The following NYAP2 variants were observed in gnomAD, a reference collection of about 807,000 sequenced individuals.
NYAP2 encodes neuronal tyrosine-phosphorylated phosphoinositide-3-kinase adaptor 2, also known as neuronal tyrosine-phosphorylated phosphoinositide-3-kinase adapter 2.
In NYAP2, 23 loss-of-function variants were observed where a neutral mutation model predicts 50.4. The ratio of observed to expected loss-of-function variants is 0.46; its 90% CI spans 0.33 to 0.65. The LOEUF is 0.65. NYAP2 is among the 30% of genes least tolerant of loss of function. The pLI is 0.02. For missense variants in NYAP2, 885 were observed against 861.0 expected (o/e 1.03, Z -0.35); for synonymous variants, 394 against 365.2 (o/e 1.08, Z -0.90).
chr2:225,611,385 C>T (rs1209772165), intron 5 of NYAP2, among the ~76,000 whole-genome samples: 2 of 152,078 alleles, frequency 1.3e-5, no homozygotes, highest in Non-Finnish European at 2.9e-5. Flanking sequence ...CAGAAGGAGG[C>T]CCCGTATATC....
chr2:225,498,824 T>C (rs1405618415), intron 3 of NYAP2, among the ~76,000 whole-genome samples: 1 of 152,146 alleles, frequency 6.6e-6, no homozygotes, highest in Non-Finnish European at 1.5e-5. Flanking sequence ...ACTGAGAGAA[T>C]GATGCTTTGA....
intron 3 of NYAP2, among the ~76,000 whole-genome samples, chr2:225,437,878 A>G (rs188775183): frequency 4.6e-5 from 7 of 152,286 alleles, no homozygotes; most frequent in East Asian, 3.9e-4. Flanking sequence ...TTCTCTTTCT[A>G]TATGCAATTT....
chr2:225,513,241 A>G, intron 3 of NYAP2, 130 bp from the exon 4 acceptor site: 1 of 825,458 alleles, frequency 1.2e-6, no homozygotes, highest in Non-Finnish European at 1.9e-6. Flanking sequence ...AGTTTGTTTT[A>G]AAAGGCAGCA....
At chr2:225,483,877 C>G (rs1277771071) in intron 3 of NYAP2, among the ~76,000 whole-genome samples, 1 of 152,118 alleles carries the variant, frequency 6.6e-6, no homozygotes, top group Admixed American at 6.5e-5. Context: ...GAGTCAAATA[C>G]TTTCTTCTGT....
chr2:225,681,470 G>T, the NYAP2 span, among the ~76,000 whole-genome samples: 1 of 152,142 alleles, frequency 6.6e-6, no homozygotes, highest in Non-Finnish European at 1.5e-5. Flanking sequence ...GCTTGTGGAT[G>T]GGTTATTACA....
At chr2:225,690,622 A>G in the NYAP2 span, among the ~76,000 whole-genome samples, 4 of 152,136 alleles carry the variant, frequency 2.6e-5, no homozygotes, top group African/African-American at 9.7e-5. Flanking sequence ...TCTTATCTAT[A>G]CAATTTAAAT....
chr2:225,538,842 C>CTTTTTA (rs1691405048), intron 4 of NYAP2, among the ~76,000 whole-genome samples: 1 of 49,730 alleles, frequency 2.0e-5, no homozygotes. Flanking sequence ...TTCTTTCTTT[C>CTTTTTA]TTTCTTTGTT....
At chr2:225,471,010 T>C (rs1447293714) in intron 3 of NYAP2, among the ~76,000 whole-genome samples, 1 of 152,206 alleles carries the variant, frequency 6.6e-6, no homozygotes, top group Non-Finnish European at 1.5e-5. Context: ...CTTATTAATA[T>C]GCTTCCTTAT....
At chr2:225,692,909 ATG>A in the NYAP2 span, among the ~76,000 whole-genome samples, 1 of 151,976 alleles carries the variant, frequency 6.6e-6, no homozygotes, top group African/African-American at 2.4e-5. Flanking sequence ...TTACACATAT[ATG>A]TGTGTGTACA....
intron 3 of NYAP2, among the ~76,000 whole-genome samples, chr2:225,478,594 C>G (rs992922073): frequency 6.6e-6 from 1 of 152,132 alleles, no homozygotes; most frequent in African/African-American, 2.4e-5. Flanking sequence ...TGGGGATACC[C>G]CTTTCTAATC....
the NYAP2 span, among the ~76,000 whole-genome samples, chr2:225,686,479 G>C: frequency 6.6e-6 from 1 of 152,042 alleles, no homozygotes; most frequent in Admixed American, 6.6e-5. Flanking sequence ...TGTAACTCAA[G>C]AGACACTAAC....
chr2:225,556,355 T>C (rs1404408568), intron 4 of NYAP2, among the ~76,000 whole-genome samples: 2 of 152,204 alleles, frequency 1.3e-5, no homozygotes, highest in South Asian at 4.1e-4. Context: ...ACATATTACA[T>C]AGGCTATTAC....
At chr2:225,547,007 G>T (rs1691596511) in intron 4 of NYAP2, among the ~76,000 whole-genome samples, 1 of 152,118 alleles carries the variant, frequency 6.6e-6, no homozygotes, top group East Asian at 1.9e-4. Flanking sequence ...CTAGAAGGGG[G>T]TCTCACAACT....
At chr2:225,518,355 G>T (rs73082993) in intron 4 of NYAP2, among the ~76,000 whole-genome samples, 5,022 of 151,166 alleles carry the variant, frequency 0.033, 276 homozygotes, top group African/African-American at 0.11. Flanking sequence ...GGCTAGGGCA[G>T]GAGTGGGTGA....
chr2:225,551,497 T>A (rs1419364861), intron 4 of NYAP2, among the ~76,000 whole-genome samples: 4 of 152,202 alleles, frequency 2.6e-5, no homozygotes, highest in African/African-American at 7.2e-5. Flanking sequence ...ACTTCCCAGA[T>A]GAACTGAGAC....
the NYAP2 span, among the ~76,000 whole-genome samples, chr2:225,696,063 A>G: frequency 6.6e-6 from 1 of 151,994 alleles, no homozygotes; most frequent in Non-Finnish European, 1.5e-5. Flanking sequence ...ATTTTTGAGT[A>G]GCATCTGGAA....
chr2:225,612,377 G>A (rs576348739), intron 5 of NYAP2, among the ~76,000 whole-genome samples: 65 of 151,942 alleles, frequency 4.3e-4, no homozygotes, highest in African/African-American at 1.5e-3. Context: ...CTCTGGAAAG[G>A]CTGTTTGTTT....
At chr2:225,692,206 T>C in the NYAP2 span, among the ~76,000 whole-genome samples, 46 of 152,248 alleles carry the variant, frequency 3.0e-4, no homozygotes, top group African/African-American at 1.1e-3. Flanking sequence ...TGCATGCTTG[T>C]ATCAGTTTTA....
chr2:225,694,279 G>A, the NYAP2 span, among the ~76,000 whole-genome samples: 7 of 151,644 alleles, frequency 4.6e-5, no homozygotes. Flanking sequence ...TCCAGGGAGA[G>A]GTGGAATGGG....
Sources: allele counts gnomAD v4.1 joint callset (sites outside exome capture counted in the v4.1 genomes callset), GRCh38; gene constraint gnomAD v4.1.1; transcripts MANE v1.5; gene names NCBI Gene and HGNC (gene_info 2026-07-23, HGNC 2026-07-21).